Variants in SCUBE1 observed in about 807,000 individuals in gnomAD.
The protein encoded by SCUBE1 is signal peptide, CUB domain and EGF like domain containing 1, also known as signal peptide, CUB and EGF-like domain-containing protein 1.
A neutral mutation model predicts 124.4 loss-of-function variants in SCUBE1; 59 were observed. The observed-to-expected ratio is 0.47, with a 90% CI of 0.38 to 0.59. The LOEUF is 0.59. Ranked by LOEUF, SCUBE1 falls within the 20% of genes least tolerant of loss-of-function variation. SCUBE1 has a pLI of 0.00. For missense variants in SCUBE1, 1,150 were observed against 1,371.2 expected (o/e 0.84, Z 2.55); for synonymous variants, 545 against 550.9 (o/e 0.99, Z 0.15).
chr22:43,231,040 T>C (rs1922531275), intron 8 of SCUBE1, among the ~76,000 whole-genome samples: 2 of 152,184 alleles, frequency 1.3e-5, no homozygotes, highest in African/African-American at 4.8e-5. Flanking sequence ...CCCCACCCCC[T>C]GCACTTTCTC....
chr22:43,250,351 A>G (rs770835387), intron 6 of SCUBE1, among the ~76,000 whole-genome samples: 1 of 152,120 alleles, frequency 6.6e-6, no homozygotes, highest in Non-Finnish European at 1.5e-5. Flanking sequence ...CCTGGGGAAA[A>G]CTTATGAAGA....
chr22:43,300,152 T>C (rs1925715096), intron 3 of SCUBE1, among the ~76,000 whole-genome samples: 1 of 152,178 alleles, frequency 6.6e-6, no homozygotes, highest in Non-Finnish European at 1.5e-5. Context: ...GGGGTGGCAC[T>C]GTCACATCAT....
At chr22:43,321,045 GCTC>G (rs1380164120) in intron 2 of SCUBE1, among the ~76,000 whole-genome samples, 1 of 152,194 alleles carries the variant, frequency 6.6e-6, no homozygotes, top group Admixed American at 6.5e-5. Flanking sequence ...ACCTCCAGAG[GCTC>G]CGAGACACGA....
At chr22:43,281,536 T>TCTTTGGC (rs1924890793) in intron 4 of SCUBE1, among the ~76,000 whole-genome samples, 6 of 75,186 alleles carry the variant, frequency 8.0e-5, no homozygotes, top group Admixed American at 5.0e-4. Flanking sequence ...GTCACCTCCC[T>TCTTTGGC]CAGTCACCCT....
At chr22:43,313,605 A>T (rs1251825546) in intron 3 of SCUBE1, among the ~76,000 whole-genome samples, 1 of 152,230 alleles carries the variant, frequency 6.6e-6, no homozygotes, top group Non-Finnish European at 1.5e-5. Context: ...TACACAGCTA[A>T]AAGCAGCCAT....
intron 4 of SCUBE1, among the ~76,000 whole-genome samples, chr22:43,281,253 TTCTGTCATCTCCTCCTCAGCTAC>T (rs1924824359): frequency 1.5e-4 from 1 of 6,726 alleles, no homozygotes; most frequent in Non-Finnish European, 2.3e-4. Flanking sequence ...TTGGCCACCC[TTCTGTCATCTCCTCCTCAGCTAC>T]CCTGTCACCT....
chr22:43,215,345 T>C (rs1177008557), intron 15 of SCUBE1, among the ~76,000 whole-genome samples: 1 of 152,192 alleles, frequency 6.6e-6, no homozygotes, highest in Non-Finnish European at 1.5e-5. Flanking sequence ...TCTGAGTCTA[T>C]AGGGATACAG....
chr22:43,204,015 G>A lies in SCUBE1; in HGVS notation c.2949C>T (p.Phe983=). 5.0e-6 allele frequency: 8 copies of A among 1,614,170 alleles called. No individual in the cohort carries two copies. The highest frequency in any genetic ancestry group is 5.9e-6 in the Non-Finnish European group (7 of 1,180,020). The part of the protein sequence containing the change: ...IKLLRSKVSR[F]LRPYK ...CCCCCGGTTATTTGTAGGGCCGCAGGAACCGAGACACTTTGGAGCGCAGCA... is the reference window on the plus strand; with the variant it reads ...CCCCCGGTTATTTGTAGGGCCGCAGAAACCGAGACACTTTGGAGCGCAGCA... Residue 983 remains phenylalanine, a synonymous_variant, in exon 22 of 22, where the codon TTC becomes TTT. Coordinates refer to ENST00000360835, the MANE Select transcript of SCUBE1 (RefSeq NM_173050.5).
chr22:43,275,597 G>A (rs892359609), intron 4 of SCUBE1, among the ~76,000 whole-genome samples: 5 of 152,222 alleles, frequency 3.3e-5, no homozygotes, highest in Non-Finnish European at 5.9e-5. Flanking sequence ...AGAGGAAGAC[G>A]TGCACGCCTG....
Position 43,203,988 on chromosome 22 carries a change from T to A in SCUBE1, c.*9A>T. On this transcript the variant is annotated 3_prime_UTR_variant, in exon 22 of 22. Coordinates refer to ENST00000360835, the MANE Select transcript of SCUBE1 (RefSeq NM_173050.5). ...CCAGGCCACCCCCAGGCAGGGCCGC[T>A]CCCCCCGGTTATTTGTAGGGCCGCA... 6.2e-7 allele frequency: 1 copy of A among 1,613,332 alleles called. No homozygotes were observed. Among genetic ancestry groups the A allele is most frequent in the South Asian group, 1.1e-5 (1 of 91,042 alleles).
chr22:43,257,274 A>C (rs550811243), intron 6 of SCUBE1, among the ~76,000 whole-genome samples: 12 of 152,322 alleles, frequency 7.9e-5, no homozygotes, highest in South Asian at 2.1e-4. Context: ...AGTCTCCCTC[A>C]AGAAGTATCT....
In SCUBE1 at chr22:43,218,294, C is replaced by A. The variant is rs1215201317; in HGVS notation, c.1852G>T (p.Ala618Ser). ...RPAKALEGQG[A>S]CGAGQVLQDS... ...TGTAGCACCTGGCCTGCGCCACATG[C>A]CCCCTGCCCCTCCAGCGCCTTGGCT... The change falls in exon 15 of 22, where the codon GCA becomes TCA. Residue 618 changes from alanine to serine, a missense_variant. By Grantham distance (99) the Ala-to-Ser change is moderately conservative. Around this residue, in one of 3 missense-constraint regions of SCUBE1, gnomAD observed 757 missense variants for 840.9 expected, o/e 0.90. Transcript: ENST00000360835. 13 of 1,613,208 alleles carry A rather than the reference C, an allele frequency of 8.1e-6. No homozygotes were observed. The highest frequency in any genetic ancestry group is 1.1e-5 in the South Asian group (1 of 91,082).
chr22:43,305,745 C>A (rs1925945477), intron 3 of SCUBE1, among the ~76,000 whole-genome samples: 1 of 152,076 alleles, frequency 6.6e-6, no homozygotes, highest in Non-Finnish European at 1.5e-5. Flanking sequence ...TGGTGTCTGA[C>A]CCCCTGGCGG....
At chr22:43,214,007 C>T in intron 16 of SCUBE1, 83 bp downstream of exon 16, 1 of 1,313,356 alleles carries the variant, frequency 7.6e-7, no homozygotes, top group Non-Finnish European at 1.0e-6. Context: ...GCACCTGGGC[C>T]TTCGACAGGA....
chr22:43,319,558 CAAAA>C (rs35230785), intron 3 of SCUBE1, among the ~76,000 whole-genome samples: 21 of 55,212 alleles, frequency 3.8e-4, no homozygotes, highest in African/African-American at 1.7e-3. Flanking sequence ...GACTCCATCT[CAAAA>C]AAAAAAAAAA....
chr22:43,322,986 G>A (rs576952566), intron 2 of SCUBE1, among the ~76,000 whole-genome samples: 3 of 152,270 alleles, frequency 2.0e-5, no homozygotes, highest in Non-Finnish European at 4.4e-5. Flanking sequence ...TTAGATAATT[G>A]CTCAGGGTCA....
At position 43,273,564 on chromosome 22, in the gene SCUBE1, T is replaced by C. The variant is rs1012833894; in HGVS notation, c.485-10719A>G. Among the ~76,000 whole-genome samples, 373 of 118,266 alleles carry C rather than the reference T, an allele frequency of 3.2e-3. 3 individuals are homozygous for C. Among genetic ancestry groups the C allele is most frequent in the African/African-American group, 0.011 (367 of 32,836 alleles). 77.6% of individuals were successfully genotyped at this position (118,266 alleles called of 152,430 possible). A position where few individuals can be genotyped will look rare whatever the true frequency, so the allele number is the denominator to read the frequency against. ...AAAGTGGGGAGACTAAAACCCTCTTTTTTTTTTTTTTTTTTTTTTTTGAGA... is the reference window on the plus strand; with the variant it reads ...AAAGTGGGGAGACTAAAACCCTCTTCTTTTTTTTTTTTTTTTTTTTTGAGA... On this transcript the variant is annotated intron_variant, in intron 4 of 21. Transcript: ENST00000360835.
intron 6 of SCUBE1, among the ~76,000 whole-genome samples, chr22:43,250,402 C>A (rs1923394379): frequency 6.6e-6 from 1 of 152,196 alleles, no homozygotes; most frequent in Non-Finnish European, 1.5e-5. Flanking sequence ...GCTCAGGGGG[C>A]CCTGTCCCTG....
intron 21 of SCUBE1, among the ~76,000 whole-genome samples, chr22:43,206,846 A>C (rs1032721113): frequency 2.6e-5 from 4 of 152,146 alleles, no homozygotes; most frequent in African/African-American, 9.7e-5. Context: ...GTTTCTGCCT[A>C]AGCAGCTTGA....
Sources: gnomAD v4.1 joint callset for allele counts (sites outside exome capture counted in the v4.1 genomes callset) on GRCh38, gnomAD v4.1.1 for gene constraint, gnomAD v4.1.1 regional missense constraint, MANE v1.5 for transcripts, NCBI Gene and HGNC (gene_info 2026-07-23, HGNC 2026-07-21) for gene names.